The following TYW1 variants were observed in gnomAD, a reference collection of about 807,000 sequenced individuals.
TYW1 encodes S-adenosyl-L-methionine-dependent tRNA 4-demethylwyosine synthase TYW1.
A neutral mutation model predicts 96.2 loss-of-function variants in TYW1; 46 were observed. The ratio of observed to expected loss-of-function variants is 0.48; its 90% confidence interval spans 0.38 to 0.61. The LOEUF (loss-of-function observed/expected upper bound fraction) is 0.61, where lower values mean the gene tolerates loss of function less well. Ranked by LOEUF, TYW1 falls within the 20% of genes least tolerant of loss-of-function variation. TYW1 has a pLI of 0.00. For synonymous variants in TYW1, 274 were observed against 323.0 expected (o/e 0.85, Z 1.63); for missense variants, 684 against 909.6 (o/e 0.75, Z 3.19).
intron 13 of TYW1, among the ~76,000 whole-genome samples, chr7:67,127,746 C>T (rs1346101018): frequency 6.6e-6 from 1 of 152,160 alleles, no homozygotes; most frequent in East Asian, 1.9e-4. Context: ...GGAAGATCTA[C>T]TGGCAACAAA....
At chr7:67,153,084 A>G (rs1480381566) in intron 13 of TYW1, among the ~76,000 whole-genome samples, 4 of 152,206 alleles carry the variant, frequency 2.6e-5, no homozygotes, top group Non-Finnish European at 1.5e-5. Context: ...CACAGTTGCT[A>G]GATGATGTTT....
At chr7:67,164,452 A>AT (rs1799259708) in intron 13 of TYW1, among the ~76,000 whole-genome samples, 1 of 135,984 alleles carries the variant, frequency 7.4e-6, no homozygotes, top group Non-Finnish European at 1.6e-5. Context: ...ACTAAAAAAT[A>AT]CAAAAAAAAT....
intron 12 of TYW1, among the ~76,000 whole-genome samples, chr7:67,111,460 CAA>C (rs1412318437): frequency 1.3e-5 from 2 of 152,118 alleles, no homozygotes; most frequent in Admixed American, 6.6e-5. Context: ...CTCGCCCTCC[CAA>C]AGTGGTGGGA....
chr7:67,135,412 C>G (rs959383598), intron 13 of TYW1, among the ~76,000 whole-genome samples: 39 of 148,658 alleles, frequency 2.6e-4, no homozygotes, highest in African/African-American at 9.1e-4. Context: ...TCAAGCGATC[C>G]TCCCACCTCA....
At chr7:67,095,852 C>T (rs1027518411) in intron 11 of TYW1, among the ~76,000 whole-genome samples, 9 of 152,134 alleles carry the variant, frequency 5.9e-5, no homozygotes, top group South Asian at 4.1e-4. Flanking sequence ...AACTGAGGCA[C>T]AACTGAGCAG....
Position 67,018,110 on chromosome 7 carries a change from T to C in TYW1, c.828T>C (p.His276=), listed in dbSNP as rs1815061. Residue 276 remains histidine (H), a synonymous_variant, in exon 6 of 16, where the codon CAT becomes CAC. Coordinates refer to ENST00000359626, the MANE Select transcript of TYW1 (RefSeq NM_018264.4). The stretch of plus-strand genomic sequence containing the variant: ...CAGAGGAGAGGGAGGAAGGATCTCA[T>C]GAGCAGGATGAATTGCATCATAGAG... ...HGSEEREEGS[H]EQDELHHRDT... 9 of 1,614,106 alleles carry C rather than the reference T, an allele frequency of 5.6e-6. No homozygotes were observed. Among genetic ancestry groups the C allele is most frequent in the Non-Finnish European group, 5.9e-6 (7 of 1,180,022 alleles).
intron 12 of TYW1, among the ~76,000 whole-genome samples, chr7:67,099,070 G>A (rs1797011094): frequency 2.0e-5 from 3 of 150,348 alleles, no homozygotes; most frequent in Admixed American, 6.7e-5. Context: ...CTGTCTCCCC[G>A]GCTTGAGTGC....
At chr7:67,144,792 A>G (rs1411612846) in intron 13 of TYW1, among the ~76,000 whole-genome samples, 6 of 151,956 alleles carry the variant, frequency 3.9e-5, no homozygotes, top group Non-Finnish European at 5.9e-5. Context: ...TTAATATCCA[A>G]ACTTCCTACA....
chr7:67,185,067 G>A (rs2844127), intron 14 of TYW1, among the ~76,000 whole-genome samples: 5 of 152,142 alleles, frequency 3.3e-5, no homozygotes, highest in South Asian at 2.1e-4. Context: ...GGGTAAGGGC[G>A]TTCCAGGCAG....
At chr7:67,112,435 G>A (rs1182303127) in intron 12 of TYW1, among the ~76,000 whole-genome samples, 2 of 151,980 alleles carry the variant, frequency 1.3e-5, no homozygotes, top group East Asian at 3.9e-4. Flanking sequence ...GGCCAACATG[G>A]CAAAACCCCA....
At chr7:67,012,799 A>G (rs1793858654) in intron 4 of TYW1, among the ~76,000 whole-genome samples, 1 of 152,112 alleles carries the variant, frequency 6.6e-6, no homozygotes, top group Admixed American at 6.6e-5. Flanking sequence ...AAAGTTACCT[A>G]CAGGCTATGT....
chr7:67,130,988 G>A (rs1184845889), intron 13 of TYW1, among the ~76,000 whole-genome samples: 1 of 152,142 alleles, frequency 6.6e-6, no homozygotes, highest in Non-Finnish European at 1.5e-5. Flanking sequence ...GGTATTCAAA[G>A]CCCTTAACAC....
At chr7:67,022,465 T>G (rs1222988028) in intron 6 of TYW1, among the ~76,000 whole-genome samples, 5 of 152,174 alleles carry the variant, frequency 3.3e-5, no homozygotes, top group Non-Finnish European at 5.9e-5. Flanking sequence ...ATTCTGAAAT[T>G]TATTGGAAAT....
chr7:67,225,653 G>A lies in TYW1; in HGVS notation c.1978-12655G>A, dbSNP rs184333053. Among the ~76,000 whole-genome samples, 733 of 152,186 alleles carry A rather than the reference G, an allele frequency of 4.8e-3. 3 individuals carry two copies. Among genetic ancestry groups the A allele is most frequent in the Non-Finnish European group, 8.0e-3 (545 of 68,008 alleles). ...TGGAACTCACCCTCATCAGAGGCCTGATTGCTCCCAGCAGCAGTTGCTTTT... is the reference window on the plus strand; with the variant it reads ...TGGAACTCACCCTCATCAGAGGCCTAATTGCTCCCAGCAGCAGTTGCTTTT... On this transcript the variant is annotated intron_variant, in intron 15 of 15. Transcript: ENST00000359626.
intron 6 of TYW1, among the ~76,000 whole-genome samples, chr7:67,023,839 A>G (rs563272139): frequency 3.3e-5 from 5 of 152,298 alleles, no homozygotes; most frequent in South Asian, 2.1e-4. Flanking sequence ...CTTATCCTCA[A>G]TTGGAGAAAG....
In TYW1 at chr7:67,026,967, G is replaced by A. The variant is rs530337226; in HGVS notation, c.984+1945G>A. Among the ~76,000 whole-genome samples the A allele has an allele frequency of 1.5e-3, 233 of 152,230 alleles. 2 individuals carry two copies. Among genetic ancestry groups the A allele is most frequent in the Middle Eastern group, 0.01 (3 of 294 alleles). On this transcript the variant is annotated intron_variant, in intron 7 of 15. Transcript: ENST00000359626. Reference sequence around the variant, plus strand: ...TCCCAGCACTTTGGGAGGCTGACGTGATGGGAGGATTTCTTGAGGCCAGAA... The same window carrying A: ...TCCCAGCACTTTGGGAGGCTGACGTAATGGGAGGATTTCTTGAGGCCAGAA...
intron 15 of TYW1, among the ~76,000 whole-genome samples, chr7:67,196,460 T>C (rs1800396844): frequency 6.6e-6 from 1 of 152,222 alleles, no homozygotes; most frequent in Non-Finnish European, 1.5e-5. Flanking sequence ...CCTTGTTACC[T>C]GTGATTGCAT....
At chr7:67,087,286 G>C (rs1469893063) in intron 11 of TYW1, among the ~76,000 whole-genome samples, 3 of 152,170 alleles carry the variant, frequency 2.0e-5, no homozygotes, top group East Asian at 3.8e-4. Context: ...GTGCAGAAAG[G>C]GGTGTCCAAT....
At chr7:67,066,132 T>G (rs1795862225) in intron 9 of TYW1, among the ~76,000 whole-genome samples, 1 of 152,172 alleles carries the variant, frequency 6.6e-6, no homozygotes, top group Admixed American at 6.6e-5. Flanking sequence ...TTTCAGTCAC[T>G]TGGCCTCAAA....
Sources: gnomAD v4.1 joint callset for allele counts (sites outside exome capture counted in the v4.1 genomes callset) on GRCh38, gnomAD v4.1.1 for gene constraint, MANE v1.5 for transcripts, NCBI Gene and HGNC (gene_info 2026-07-23, HGNC 2026-07-21) for gene names.